ADAM22: variants seen among roughly 807,000 people sequenced by gnomAD.
The protein encoded by ADAM22 is disintegrin and metalloproteinase domain-containing protein 22.
ADAM22 carries 65 observed loss-of-function variants against 144.6 expected under a neutral mutation model. The observed-to-expected ratio is 0.45, with a 90% confidence interval of 0.37 to 0.55. The LOEUF (loss-of-function observed/expected upper bound fraction) is 0.55, where lower values mean the gene tolerates loss of function less well. Ranked by LOEUF, ADAM22 falls within the 20% of genes least tolerant of loss-of-function variation. The pLI, the probability that ADAM22 is intolerant of heterozygous loss-of-function variation, is 0.00. For missense variants in ADAM22, 974 were observed against 1,184.9 expected (o/e 0.82, Z 2.61); for synonymous variants, 391 against 412.6 (o/e 0.95, Z 0.63).
chr7:88,008,815 G>A (rs1329222897), intron 3 of ADAM22, among the ~76,000 whole-genome samples: 2 of 151,058 alleles, frequency 1.3e-5, no homozygotes, highest in African/African-American at 4.9e-5. Context: ...GTTAATGGGT[G>A]CAGCACACCA....
chr7:87,967,755 C>G (rs1849462658), intron 2 of ADAM22, among the ~76,000 whole-genome samples: 1 of 131,416 alleles, frequency 7.6e-6, no homozygotes, highest in Non-Finnish European at 1.5e-5. Context: ...TTGCAGTGAG[C>G]TAAGATCGCA....
intron 13 of ADAM22, 62 bp downstream of exon 13, chr7:88,134,481 G>A: frequency 1.5e-6 from 2 of 1,336,370 alleles, no homozygotes; most frequent in Non-Finnish European, 2.1e-6. Context: ...AAATATTTTG[G>A]AGAGTAAAAT....
At chr7:88,186,724 T>C in intron 30 of ADAM22, 23 bp downstream of exon 30, 1 of 1,432,598 alleles carries the variant, frequency 7.0e-7, no homozygotes, top group African/African-American at 1.4e-5. Flanking sequence ...TTAATTTTTA[T>C]ATCCTTCTCA....
chr7:88,148,666 G>A (rs1368693490), intron 17 of ADAM22, among the ~76,000 whole-genome samples: 1 of 152,056 alleles, frequency 6.6e-6, no homozygotes, highest in Non-Finnish European at 1.5e-5. Context: ...GAAGAGTAAA[G>A]GGTAAATTCA....
rs978346877 is a variant in ADAM22 at position 88,163,295 on chromosome 7, T to A, written c.2076+115T>A. On this transcript the variant is annotated intron_variant, in intron 23 of 31. Transcript: ENST00000413139. ...AAAAAATGATTTTTCATATTTCTAGTTGGTATATAAATACTAATTCAATTA... is the reference window on the plus strand; with the variant it reads ...AAAAAATGATTTTTCATATTTCTAGATGGTATATAAATACTAATTCAATTA... 9.4e-6 allele frequency: 8 copies of A among 855,174 alleles called. No individual in the cohort carries two copies. In the African/African-American group the frequency reaches 1.3e-4, roughly 13 times the overall value. The allele number at this position is 855,174 out of a possible 1,614,324, so 53.0% of individuals were successfully genotyped here. A position where few individuals can be genotyped will look rare whatever the true frequency, so the allele number is the denominator to read the frequency against.
intron 30 of ADAM22, among the ~76,000 whole-genome samples, chr7:88,189,414 C>T (rs1849084807): frequency 6.6e-6 from 1 of 152,108 alleles, no homozygotes; most frequent in South Asian, 2.1e-4. Context: ...GTATCCAGTG[C>T]CTATGATATA....
chr7:88,017,393 AATT>A, intron 3 of ADAM22, among the ~76,000 whole-genome samples: 1 of 152,302 alleles, frequency 6.6e-6, no homozygotes, highest in Middle Eastern at 3.4e-3. Flanking sequence ...AAATATGTAT[AATT>A]ATTATGCGTC....
intron 31 of ADAM22, among the ~76,000 whole-genome samples, chr7:88,194,680 A>G (rs2129541464): frequency 6.6e-6 from 1 of 152,218 alleles, no homozygotes; most frequent in Non-Finnish European, 1.5e-5. Context: ...CTCCTGTCAC[A>G]TATTATTTTT....
In ADAM22 at chr7:88,145,146, G is replaced by A; in HGVS notation, c.1342G>A (p.Gly448Ser). ...ACAGCTTCTTGATCCTCCTGAGTGT[G>A]GCAATGGCTTCATTGAAACTGGAGA... The part of the protein sequence containing the change: ...PSKLLDPPEC[G>S]NGFIETGEEC... Residue 448 changes from glycine to serine, a missense_variant, in exon 16 of 32, where the codon GGC (glycine) becomes AGC (serine). Physicochemically the swap from Gly to Ser is moderately conservative, Grantham distance 56 (BLOSUM62 0). Around this residue, in one of 2 missense-constraint regions of ADAM22, gnomAD observed 734 missense variants for 950.6 expected, o/e 0.77. Coordinates refer to ENST00000413139, the MANE Select transcript of ADAM22 (RefSeq NM_001324418.2). 6.2e-7 allele frequency: 1 copy of A among 1,613,756 alleles called. No homozygotes were observed. Among genetic ancestry groups the A allele is most frequent in the Non-Finnish European group, 8.5e-7 (1 of 1,179,858 alleles).
intron 3 of ADAM22, among the ~76,000 whole-genome samples, chr7:88,070,403 T>C (rs992594039): frequency 2.0e-5 from 3 of 152,194 alleles, no homozygotes; most frequent in Admixed American, 6.5e-5. Context: ...CTTTAGTCTG[T>C]CTGAGTTATA....
intron 3 of ADAM22, among the ~76,000 whole-genome samples, chr7:88,049,861 ATATAT>A (rs915030691): frequency 8.3e-5 from 9 of 107,866 alleles, no homozygotes; most frequent in African/African-American, 2.8e-4. Flanking sequence ...AATTGATGAA[ATATAT>A]TATTTTATAT....
intron 3 of ADAM22, among the ~76,000 whole-genome samples, chr7:88,053,879 G>A (rs370600998): frequency 1.9e-4 from 29 of 152,110 alleles, no homozygotes; most frequent in East Asian, 1.7e-3. Context: ...GCCTGTAATC[G>A]CAGCACTTTG....
chr7:87,993,248 T>G (rs1460946341), intron 3 of ADAM22, among the ~76,000 whole-genome samples: 1 of 152,226 alleles, frequency 6.6e-6, no homozygotes, highest in East Asian at 1.9e-4. Flanking sequence ...TACACCCCTT[T>G]ACACTTGATC....
At chr7:87,962,823 A>G (rs750816273) in intron 2 of ADAM22, among the ~76,000 whole-genome samples, 1 of 152,156 alleles carries the variant, frequency 6.6e-6, no homozygotes, top group Admixed American at 6.6e-5. Context: ...CAGTTAATAA[A>G]TAGTGAAACT....
intron 3 of ADAM22, among the ~76,000 whole-genome samples, chr7:88,072,446 G>T (rs1040303138): frequency 9.9e-5 from 15 of 152,094 alleles, no homozygotes; most frequent in African/African-American, 3.1e-4. Context: ...TTCCTCTGAG[G>T]AGTATTTGAC....
intron 21 of ADAM22, among the ~76,000 whole-genome samples, chr7:88,155,685 T>G (rs1410958668): frequency 2.6e-5 from 4 of 152,120 alleles, no homozygotes; most frequent in African/African-American, 9.7e-5. Flanking sequence ...AATTGAGATT[T>G]TGGTACATCA....
chr7:88,113,469 T>C (rs1264236020), intron 5 of ADAM22, among the ~76,000 whole-genome samples: 2 of 150,750 alleles, frequency 1.3e-5, no homozygotes, highest in Non-Finnish European at 2.9e-5. Flanking sequence ...TTATAAAACT[T>C]AAGAAAGATT....
At chr7:88,152,147 G>A (rs1313900480) in intron 20 of ADAM22, among the ~76,000 whole-genome samples, 1 of 152,134 alleles carries the variant, frequency 6.6e-6, no homozygotes, top group East Asian at 1.9e-4. Context: ...AAAACATTTA[G>A]TCAGGCAGGT....
intron 25 of ADAM22, among the ~76,000 whole-genome samples, chr7:88,168,831 G>A (rs531438548): frequency 6.6e-6 from 1 of 151,900 alleles, no homozygotes; most frequent in African/African-American, 2.4e-5. Context: ...ACAGGCCTGG[G>A]GTTTTTCTCC....
Sources: allele counts gnomAD v4.1 joint callset (sites outside exome capture counted in the v4.1 genomes callset), GRCh38; gene constraint gnomAD v4.1.1; regional missense constraint gnomAD v4.1.1; transcripts MANE v1.5; gene names NCBI Gene and HGNC (gene_info 2026-07-23, HGNC 2026-07-21).